The following CTNND2 variants were observed in gnomAD, a reference collection of about 807,000 sequenced individuals.
CTNND2 encodes catenin delta 2.
A neutral mutation model predicts 144.4 loss-of-function variants in CTNND2; 22 were observed. The ratio of observed to expected loss-of-function variants is 0.15; its 90% CI spans 0.11 to 0.22. CTNND2 has a LOEUF of 0.22. CTNND2 is among the 10% of genes least tolerant of loss of function. The pLI is 1.00. For synonymous variants in CTNND2, 751 were observed against 695.6 expected (o/e 1.08, Z -1.25); for missense variants, 1,353 against 1,618.8 (o/e 0.84, Z 2.82).
intron 9 of CTNND2, among the ~76,000 whole-genome samples, chr5:11,340,578 A>G (rs1561245127): frequency 6.6e-6 from 1 of 152,220 alleles, no homozygotes; most frequent in East Asian, 1.9e-4. Flanking sequence ...GGACCCAAAA[A>G]AGATTTCTAT....
intron 3 of CTNND2, among the ~76,000 whole-genome samples, chr5:11,425,225 G>T (rs1762683362): frequency 6.6e-6 from 1 of 152,112 alleles, no homozygotes; most frequent in African/African-American, 2.4e-5. Context: ...TACTTCACTG[G>T]CTCTCTGGAA....
chr5:11,200,921 C>T (rs542253717), intron 10 of CTNND2, among the ~76,000 whole-genome samples: 4 of 147,282 alleles, frequency 2.7e-5, no homozygotes, highest in East Asian at 1.9e-4. Context: ...CCTCGTGATC[C>T]GCCCGCCTCA....
intron 12 of CTNND2, among the ~76,000 whole-genome samples, chr5:11,138,543 C>T (rs1014639645): frequency 6.6e-6 from 1 of 152,158 alleles, no homozygotes; most frequent in Non-Finnish European, 1.5e-5. Context: ...CCATCCTCTC[C>T]CTGCCCAACC....
At chr5:11,839,784 TAGAG>T (rs113307076) in intron 1 of CTNND2, among the ~76,000 whole-genome samples, 5 of 145,732 alleles carry the variant, frequency 3.4e-5, no homozygotes, top group South Asian at 2.2e-4. Context: ...TAGACATAGG[TAGAG>T]AGAGAGAGAG....
At chr5:11,207,039 T>C (rs1209869801) in intron 10 of CTNND2, among the ~76,000 whole-genome samples, 1 of 152,216 alleles carries the variant, frequency 6.6e-6, no homozygotes, top group African/African-American at 2.4e-5. Context: ...ATATATACCA[T>C]GGACTACTAT....
intron 1 of CTNND2, among the ~76,000 whole-genome samples, chr5:11,861,510 A>G (rs1288880083): frequency 6.6e-6 from 1 of 152,262 alleles, no homozygotes; most frequent in East Asian, 1.9e-4. Context: ...ACATAACCAG[A>G]AGATGATCAC....
rs569091210 is a variant in CTNND2 at position 11,744,117 on chromosome 5, T to C, written c.38-11845A>G. 4.6e-5 allele frequency among the ~76,000 whole-genome samples: 7 copies of C among 152,340 alleles called. No homozygotes were observed. The South Asian group carries it at 1.5e-3, about 32-fold the overall frequency. On this transcript the variant is annotated intron_variant, in intron 1 of 21. Transcript: ENST00000304623. ...GGATGGGAGCAGGTCTTCCTTTGGCTACGTTCCGAATGTCTCACCGTCTGT... is the reference window on the plus strand; with the variant it reads ...GGATGGGAGCAGGTCTTCCTTTGGCCACGTTCCGAATGTCTCACCGTCTGT...
intron 2 of CTNND2, among the ~76,000 whole-genome samples, chr5:11,644,543 G>A (rs530520030): frequency 5.9e-5 from 9 of 152,022 alleles, no homozygotes; most frequent in African/African-American, 9.6e-5. Context: ...GTGTGGTGGC[G>A]GGCGCCTGTA....
chr5:11,462,174 A>G (rs1313091945), intron 3 of CTNND2, among the ~76,000 whole-genome samples: 1 of 152,088 alleles, frequency 6.6e-6, no homozygotes, highest in African/African-American at 2.4e-5. Flanking sequence ...GTTTTGCCCC[A>G]GCATACCAAG....
intron 15 of CTNND2, among the ~76,000 whole-genome samples, chr5:11,086,405 C>G (rs967869854): frequency 3.3e-5 from 5 of 152,248 alleles, no homozygotes; most frequent in Admixed American, 6.5e-5. Flanking sequence ...GTAAGACCCC[C>G]AAGTTTAGCA....
Position 11,630,455 on chromosome 5 carries a change from G to C in CTNND2, c.175-65399C>G, listed in dbSNP as rs908392498. Among the ~76,000 whole-genome samples, 4 of 152,210 alleles carry C rather than the reference G, an allele frequency of 2.6e-5. No homozygotes were observed. In the Middle Eastern group the frequency reaches 0.01, roughly 388 times the overall value. ...TTTCCCCAATTCTTGACAGCACCTGGTATCTTTCGACTTTTGGCAAACCAA... is the reference window on the plus strand; with the variant it reads ...TTTCCCCAATTCTTGACAGCACCTGCTATCTTTCGACTTTTGGCAAACCAA... On this transcript the variant is annotated intron_variant, in intron 2 of 21. Transcript: ENST00000304623.
chr5:11,590,107 G>A (rs868558626), intron 2 of CTNND2, among the ~76,000 whole-genome samples: 1 of 149,836 alleles, frequency 6.7e-6, no homozygotes, highest in African/African-American at 2.5e-5. Context: ...GTGCAGTGAC[G>A]CGATCTAAGT....
At chr5:11,404,623 T>TTTTTTTTTTTTTTTTTTTTTTG in intron 5 of CTNND2, among the ~76,000 whole-genome samples, 1 of 104,798 alleles carries the variant, frequency 9.5e-6, no homozygotes, top group Admixed American at 9.3e-5. Context: ...TTTTTTTTTT[T>TTTTTTTTTTTTTTTTTTTTTTG]TTTTTTTTTT....
intron 3 of CTNND2, among the ~76,000 whole-genome samples, chr5:11,551,559 C>T (rs570770795): frequency 6.7e-6 from 1 of 150,112 alleles, no homozygotes; most frequent in East Asian, 2.0e-4. Flanking sequence ...CCGGTAACTA[C>T]AGATGCATGC....
In CTNND2 at chr5:11,131,646, A is replaced by G. The variant is rs991224963; in HGVS notation, c.2160-14079T>C. ...ACTAAAAAAATAAAAAAAATTAGCC[A>G]GGCGTGGTGGCGGGCGCCTGTAGTC... On this transcript the variant is annotated intron_variant, in intron 12 of 21. Transcript: ENST00000304623. Among the ~76,000 whole-genome samples the G allele has an allele frequency of 7.9e-5, 12 of 152,080 alleles. 1 individual carries two copies. The highest frequency in any genetic ancestry group is 3.3e-4 in the Admixed American group (5 of 15,270).
intron 1 of CTNND2, among the ~76,000 whole-genome samples, chr5:11,874,427 A>AT (rs1191542268): frequency 6.6e-6 from 1 of 152,214 alleles, no homozygotes; most frequent in African/African-American, 2.4e-5. Context: ...GAGATTAACA[A>AT]TAACTAATAA....
chr5:11,405,588 A>AG (rs1561345120), intron 5 of CTNND2, among the ~76,000 whole-genome samples: 3 of 151,886 alleles, frequency 2.0e-5, no homozygotes, highest in South Asian at 2.1e-4. Context: ...TAAAAAAAAA[A>AG]AGAGAGAGAA....
chr5:11,172,306 G>GA (rs575056094), intron 11 of CTNND2, among the ~76,000 whole-genome samples: 8 of 151,744 alleles, frequency 5.3e-5, no homozygotes, highest in Non-Finnish European at 1.0e-4. Flanking sequence ...TGAGAAACAG[G>GA]AAAAAAAACT....
At chr5:11,898,918 T>A (rs1230617530) in intron 1 of CTNND2, among the ~76,000 whole-genome samples, 1 of 152,202 alleles carries the variant, frequency 6.6e-6, no homozygotes, top group Admixed American at 6.5e-5. Context: ...CTAAAAATTA[T>A]GTTGCTGAAG....
Sources: gnomAD v4.1 joint callset for allele counts (sites outside exome capture counted in the v4.1 genomes callset) on GRCh38, gnomAD v4.1.1 for gene constraint, MANE v1.5 for transcripts, NCBI Gene and HGNC (gene_info 2026-07-23, HGNC 2026-07-21) for gene names.